Variants in NELL2 observed in about 807,000 individuals in gnomAD.
NELL2 encodes the protein protein kinase C-binding protein NELL2.
A neutral mutation model predicts 109.6 loss-of-function variants in NELL2; 41 were observed. The observed-to-expected ratio is 0.37, with a 90% CI of 0.29 to 0.49. NELL2 has a LOEUF of 0.49. Ranked by LOEUF, NELL2 falls within the 20% of genes least tolerant of loss-of-function variation. The probability of loss-of-function intolerance (pLI) is 0.98; values close to 1 mark genes in which losing one functional copy is unlikely to be tolerated. For missense variants in NELL2, 900 were observed against 1,008.3 expected (o/e 0.89, Z 1.45); for synonymous variants, 355 against 344.7 (o/e 1.03, Z -0.33).
chr12:44,534,598 T>A (rs576120771), intron 15 of NELL2, among the ~76,000 whole-genome samples: 1 of 152,176 alleles, frequency 6.6e-6, no homozygotes, highest in African/African-American at 2.4e-5. Context: ...AGATTCAGAA[T>A]GCTTTGCTCA....
rs140704983 is a variant in NELL2, at chr12:44,815,437, T to G, written c.335+549A>C. On this transcript the variant is annotated intron_variant, in intron 3 of 19. Coordinates refer to ENST00000429094, the MANE Select transcript of NELL2 (RefSeq NM_001145108.2). ...AACTATTCACAAATTAAGAAGTATG[T>G]TTGGCTTTAAAATTGAGAAATATAC... is the stretch of plus-strand genomic sequence containing the variant. Among the ~76,000 whole-genome samples, 266 of 152,378 alleles carry G rather than the reference T, an allele frequency of 1.7e-3. 1 individual carries two copies. Among genetic ancestry groups the G allele is most frequent in the African/African-American group, 6.0e-3 (251 of 41,588 alleles).
At chr12:44,740,514 T>C (rs1457832402) in intron 9 of NELL2, among the ~76,000 whole-genome samples, 1 of 152,176 alleles carries the variant, frequency 6.6e-6, no homozygotes, top group Non-Finnish European at 1.5e-5. Flanking sequence ...GAGCCAAAGG[T>C]ATCCTAACCA....
chr12:44,814,002 A>T (rs1943257374), intron 3 of NELL2, among the ~76,000 whole-genome samples: 1 of 152,194 alleles, frequency 6.6e-6, no homozygotes, highest in African/African-American at 2.4e-5. Context: ...AGGTGGAAAA[A>T]GTTTGCAGAT....
chr12:44,531,904 C>G (rs1303206950), intron 16 of NELL2, among the ~76,000 whole-genome samples: 1 of 152,290 alleles, frequency 6.6e-6, no homozygotes, highest in South Asian at 2.1e-4. Context: ...TCATGGGGCT[C>G]TGCTTGCTCT....
At chr12:44,863,109 G>T (rs925162125) in intron 2 of NELL2, among the ~76,000 whole-genome samples, 1 of 149,088 alleles carries the variant, frequency 6.7e-6, no homozygotes, top group Non-Finnish European at 1.5e-5. Flanking sequence ...CCCACCCCAC[G>T]ACAGGCCCCA....
At chr12:44,786,308 A>G (rs909681842) in intron 3 of NELL2, among the ~76,000 whole-genome samples, 1 of 152,236 alleles carries the variant, frequency 6.6e-6, no homozygotes, top group Admixed American at 6.5e-5. Flanking sequence ...GAAAAATGAA[A>G]ATGAAAACCA....
intron 9 of NELL2, among the ~76,000 whole-genome samples, chr12:44,719,823 T>C (rs961581082): frequency 2.0e-5 from 3 of 152,142 alleles, no homozygotes; most frequent in Admixed American, 6.6e-5. Context: ...GTTAGTGATA[T>C]ACAAATCAAA....
intron 1 of NELL2, chr12:44,881,883 A>T (rs71459272): frequency 6.6e-6 from 1 of 151,948 alleles, no homozygotes; most frequent in Admixed American, 6.5e-5. Flanking sequence ...AGAAGAAAAA[A>T]TCCTAAAAGC....
chr12:44,793,678 T>C (rs1942514335), intron 3 of NELL2, among the ~76,000 whole-genome samples: 1 of 152,150 alleles, frequency 6.6e-6, no homozygotes, highest in Non-Finnish European at 1.5e-5. Flanking sequence ...TTAAAATAGA[T>C]AAGTAATCCA....
chr12:44,621,583 A>G lies in NELL2; in HGVS notation c.1445-10613T>C, dbSNP rs112427110. 3.3e-5 allele frequency among the ~76,000 whole-genome samples: 5 copies of G among 152,156 alleles called. No individual in the cohort carries two copies. In the East Asian group the frequency reaches 5.8e-4, roughly 18 times the overall value. On this transcript the variant is annotated intron_variant, in intron 13 of 19. Coordinates refer to ENST00000429094, the MANE Select transcript of NELL2 (RefSeq NM_001145108.2). Reference sequence around the variant, plus strand: ...TTCAAACCAAATAGGATCAATAAAGATGCAAAATAGCCTCATATCTGATCA... The same window carrying G: ...TTCAAACCAAATAGGATCAATAAAGGTGCAAAATAGCCTCATATCTGATCA...
At chr12:44,767,146 G>C (rs1417071129) in intron 9 of NELL2, among the ~76,000 whole-genome samples, 1 of 152,162 alleles carries the variant, frequency 6.6e-6, no homozygotes, top group East Asian at 1.9e-4. Context: ...TATGCCATCT[G>C]TGGAATTTAT....
intron 15 of NELL2, among the ~76,000 whole-genome samples, chr12:44,570,471 G>A (rs1329824581): frequency 3.3e-5 from 5 of 152,094 alleles, no homozygotes; most frequent in Admixed American, 6.6e-5. Context: ...TGCAACAATC[G>A]AAGCCGATAA....
chr12:44,690,075 T>A (rs1948853687), intron 12 of NELL2, among the ~76,000 whole-genome samples: 1 of 152,176 alleles, frequency 6.6e-6, no homozygotes, highest in Non-Finnish European at 1.5e-5. Context: ...TTAATGTGCA[T>A]AAGAATTGCC....
chr12:44,569,921 G>T (rs1196325432), intron 15 of NELL2, among the ~76,000 whole-genome samples: 1 of 152,026 alleles, frequency 6.6e-6, no homozygotes, highest in Admixed American at 6.6e-5. Flanking sequence ...TAATTTCAAG[G>T]CACTTCAACA....
intron 1 of NELL2, among the ~76,000 whole-genome samples, chr12:44,911,983 A>T (rs1456423310): frequency 3.3e-5 from 5 of 150,996 alleles, no homozygotes; most frequent in Admixed American, 6.6e-5. Context: ...AATAAAATTT[A>T]AAAAAATAAA....
intron 2 of NELL2, among the ~76,000 whole-genome samples, chr12:44,831,993 C>T (rs942741592): frequency 3.3e-5 from 5 of 152,124 alleles, no homozygotes; most frequent in Non-Finnish European, 7.4e-5. Context: ...TCAAATGTTC[C>T]CCGTGGGTCT....
At chr12:44,577,476 T>TTG (rs1671608176) in intron 15 of NELL2, among the ~76,000 whole-genome samples, 2 of 125,978 alleles carry the variant, frequency 1.6e-5, no homozygotes, top group Admixed American at 7.7e-5. Flanking sequence ...TTTTTTTTTT[T>TTG]TTTTTTTTTT....
At chr12:44,705,085 A>G (rs1222260159) in intron 11 of NELL2, among the ~76,000 whole-genome samples, 1 of 151,938 alleles carries the variant, frequency 6.6e-6, no homozygotes, top group Admixed American at 6.6e-5. Flanking sequence ...ATCAACCTAT[A>G]AGCAAGAAAA....
At chr12:44,608,781 G>C (rs1032116802) in intron 14 of NELL2, among the ~76,000 whole-genome samples, 11 of 151,604 alleles carry the variant, frequency 7.3e-5, no homozygotes, top group Admixed American at 6.6e-5. Context: ...GGTGATTTGG[G>C]GGAAGTCCTA....
Sources: allele counts gnomAD v4.1 joint callset (sites outside exome capture counted in the v4.1 genomes callset), GRCh38; gene constraint gnomAD v4.1.1; transcripts MANE v1.5; gene names NCBI Gene and HGNC (gene_info 2026-07-23, HGNC 2026-07-21).